CABLES2: variants seen among roughly 807,000 people sequenced by gnomAD.
The protein encoded by CABLES2 is CDK5 and ABL1 enzyme substrate 2.
CABLES2 carries 35 observed loss-of-function variants against 44.8 expected under a neutral mutation model. That is an observed-to-expected ratio of 0.78 (90% confidence interval 0.60 to 1.04). The LOEUF (loss-of-function observed/expected upper bound fraction) is 1.04. CABLES2 is among the 50% of genes least tolerant of loss of function. The pLI, the probability that CABLES2 is intolerant of heterozygous loss-of-function variation, is 0.00. For missense variants in CABLES2, 566 were observed against 615.7 expected, an observed-to-expected ratio of 0.92 and a Z score of 0.85; for synonymous variants, 282 against 281.1, an observed-to-expected ratio of 1.00 and a Z score of -0.03.
At position 62,407,260 on chromosome 20, in the gene CABLES2, G is replaced by A; in HGVS notation, c.17C>T (p.Ala6Val). The change falls in exon 1 of 10, where the codon GCC becomes GTC. Residue 6 changes from alanine (A) to valine (V), a missense_variant. Ala to Val is a moderately conservative substitution (Grantham distance 64). Coordinates refer to ENST00000279101, the MANE Select transcript of CABLES2 (RefSeq NM_031215.3). Reference protein sequence around the residue: MAAAAAGGAPGPAPGP... With the variant: MAAAAVGGAPGPAPGP... The stretch of plus-strand genomic sequence containing the variant: ...GGGGGCCGGGCCCGGGGCTCCACCG[G>A]CCGCGGCCGCGGCCATCCTCAGACT... 3 of 574,812 alleles carry A rather than the reference G, an allele frequency of 5.2e-6. No homozygotes were observed. Among genetic ancestry groups the A allele is most frequent in the Non-Finnish European group, 6.5e-6 (3 of 458,304 alleles). The allele number at this position is 574,812 out of a possible 1,614,324, so 35.6% of individuals were successfully genotyped here.
intron 4 of CABLES2, 38 bp from the exon 5 acceptor site, chr20:62,394,303 C>G (rs1334078631): frequency 1.3e-6 from 2 of 1,559,826 alleles, no homozygotes; most frequent in Admixed American, 3.3e-5. Flanking sequence ...GTGGTCTGCG[C>G]TGAACTCAGG....
intron 1 of CABLES2, among the ~76,000 whole-genome samples, chr20:62,398,124 GTTA>G (rs1384682788): frequency 6.8e-5 from 7 of 102,412 alleles, no homozygotes; most frequent in South Asian, 3.7e-4. Flanking sequence ...GGTGGTGGTG[GTTA>G]TGACGGTGGT....
rs562049183 is a variant in CABLES2, at chr20:62,398,647, C to T, written c.363-2055G>A. On this transcript the variant is annotated intron_variant, in intron 1 of 9. Transcript: ENST00000279101. ...AAGACCTGGTGCACTCAGGCCCCCTCTCTGGTGGAGCCGGCCTGGAGTCCA... is the reference window on the plus strand; with the variant it reads ...AAGACCTGGTGCACTCAGGCCCCCTTTCTGGTGGAGCCGGCCTGGAGTCCA... 1.6e-3 allele frequency among the ~76,000 whole-genome samples: 239 copies of T among 152,356 alleles called. 1 individual carries two copies. The highest frequency in any genetic ancestry group is 5.5e-3 in the African/African-American group (230 of 41,574).
Position 62,396,191 on chromosome 20 carries a change from G to A in CABLES2, c.527+124C>T. On this transcript the variant is annotated intron_variant, in intron 3 of 9. Coordinates refer to ENST00000279101, the MANE Select transcript of CABLES2 (RefSeq NM_031215.3). This position sits in a 1 kb window ranked among gnomAD's most constrained non-coding sequence, Gnocchi z 5.7. ...TGGGGAGGAGGGCCCACCTCTAGAG[G>A]TGTGGAGTGTGGGGTGGGCGGGAGC... 1 of 796,538 alleles carries A rather than the reference G, an allele frequency of 1.3e-6. No homozygotes were observed. Among genetic ancestry groups the A allele is most frequent in the Non-Finnish European group, 2.2e-6 (1 of 461,760 alleles). 49.3% of individuals were successfully genotyped at this position (796,538 alleles called of 1,614,324 possible).
In CABLES2 at chr20:62,388,814, T is replaced by G. The variant is rs1176948608; in HGVS notation, c.*2157A>C. 3 of 349,040 alleles carry G rather than the reference T, an allele frequency of 8.6e-6. No individual in the cohort carries two copies. The highest frequency in any genetic ancestry group is 2.1e-5 in the African/African-American group (1 of 47,282). 21.6% of individuals were successfully genotyped at this position (349,040 alleles called of 1,614,324 possible). ...TATAGTCACAGCCGAGCTGAACACCTTAGCTCCGACACCTGGATGTGTTCT... is the reference window on the plus strand; with the variant it reads ...TATAGTCACAGCCGAGCTGAACACCGTAGCTCCGACACCTGGATGTGTTCT... On this transcript the variant is annotated 3_prime_UTR_variant, in exon 10 of 10. Transcript: ENST00000279101.
At position 62,407,079 on chromosome 20, in the gene CABLES2, C is replaced by T; in HGVS notation, c.198G>A (p.Pro66=). Residue 66 remains proline, a synonymous_variant, in exon 1 of 10, where the codon CCG becomes CCA. Transcript: ENST00000279101. ...SLDGRPPSLG[P]GGEKPPPPPA... ...GCGGCGGCGGGGGCTTCTCTCCGCC[C>T]GGGCCCAGGCTCGGGGGCCGCCCGT... 2 of 1,063,540 alleles carry T rather than the reference C, an allele frequency of 1.9e-6. No individual in the cohort carries two copies. The highest frequency in any genetic ancestry group is 2.3e-6 in the Non-Finnish European group (2 of 880,122). 65.9% of individuals were successfully genotyped at this position (1,063,540 alleles called of 1,614,324 possible).
Position 62,402,065 on chromosome 20 carries a change from C to A in CABLES2, c.362+4850G>T, listed in dbSNP as rs567826328. 2.3e-3 allele frequency among the ~76,000 whole-genome samples: 356 copies of A among 152,306 alleles called. 1 individual carries two copies. Among genetic ancestry groups the A allele is most frequent in the Admixed American group, 4.4e-3 (67 of 15,308 alleles). On this transcript the variant is annotated intron_variant, in intron 1 of 9. Coordinates refer to ENST00000279101, the MANE Select transcript of CABLES2 (RefSeq NM_031215.3). ...GGCGGTGCCTACTCGTGGTTCCCCC[C>A]ACGTGGCAGTGACCAGCTCAAAGCT...
In CABLES2 at chr20:62,396,385, G is replaced by A. The variant is rs182928742; in HGVS notation, c.457C>T (p.Pro153Ser). 6.2e-7 allele frequency: 1 copy of A among 1,614,088 alleles called. No homozygotes were observed. The highest frequency in any genetic ancestry group is 8.5e-7 in the Non-Finnish European group (1 of 1,180,008). ...AQRTKHTSGS[P>S]RHKGLKKTHF... ...GTCTTCTTCAGGCCTTTATGTCTCGGTGATCCAGATGTGTGTTTGGTTCTG... is the reference window on the plus strand; with the variant it reads ...GTCTTCTTCAGGCCTTTATGTCTCGATGATCCAGATGTGTGTTTGGTTCTG... The change falls in exon 3 of 10, where the codon CCG (proline) becomes TCG (serine). Residue 153 changes from proline (P) to serine (S), a missense_variant. Around this residue, in one of 2 missense-constraint regions of CABLES2, gnomAD observed 436 missense variants for 536.3 expected, o/e 0.81. Transcript: ENST00000279101. The surrounding 1 kb of genome is among the most constrained non-coding windows in gnomAD (Gnocchi z 5.7).
intron 5 of CABLES2, 66 bp from the exon 6 acceptor site, chr20:62,393,671 G>A (rs987026453): frequency 6.1e-5 from 90 of 1,483,918 alleles, no homozygotes; most frequent in Admixed American, 2.4e-4. Flanking sequence ...GTGAGCTCCC[G>A]CTGCAGGAAG....
In CABLES2 at chr20:62,399,993, T is replaced by C. The variant is rs150957876; in HGVS notation, c.363-3401A>G. ...CCAAGTACAGTTTGAAGTCAGGAAC[T>C]TAAGATGTGATTAAAATCTTTTAAA... On this transcript the variant is annotated intron_variant, in intron 1 of 9. Transcript: ENST00000279101. Among the ~76,000 whole-genome samples the C allele has an allele frequency of 2.6e-5, 4 of 152,350 alleles. No individual in the cohort carries two copies. In the East Asian group the frequency reaches 7.7e-4, roughly 29 times the overall value.
rs201180245 is a variant in CABLES2 at position 62,392,986 on chromosome 20, G to A, written c.918C>T (p.Asn306=). The A allele has an allele frequency of 8.1e-5, 130 of 1,613,936 alleles. No homozygotes were observed. The highest frequency in any genetic ancestry group is 2.2e-5 in the Non-Finnish European group (26 of 1,180,022). Residue 306 remains asparagine, a synonymous_variant, in exon 7 of 10, where the codon AAC becomes AAT. Coordinates refer to ENST00000279101, the MANE Select transcript of CABLES2 (RefSeq NM_031215.3). Reference sequence around the variant, plus strand: ...AGGGCCACTGCGGGTCATCCAGGAGGTTGGGGTTGTACTCCAGGGTGTCCC... The same window carrying A: ...AGGGCCACTGCGGGTCATCCAGGAGATTGGGGTTGTACTCCAGGGTGTCCC... ...DVGDTLEYNP[N]LLDDPQWPCG...
At chr20:62,392,532 C>T (rs1312239491) in intron 7 of CABLES2, 37 bp from the exon 8 acceptor site, 15 of 1,452,026 alleles carry the variant, frequency 1.0e-5, no homozygotes, top group Admixed American at 1.7e-5. Context: ...GCCGGCCCCT[C>T]GCACAGTCCA....
chr20:62,394,403 G>A (rs950662182), intron 4 of CABLES2, 138 bp from the exon 5 acceptor site: 13 of 658,930 alleles, frequency 2.0e-5, no homozygotes, highest in Admixed American at 1.9e-4. Flanking sequence ...GGCGGCACTG[G>A]TGTGACCAGG....
intron 1 of CABLES2, chr20:62,405,986 G>A (rs1475804482): frequency 1.3e-5 from 2 of 153,538 alleles, no homozygotes; most frequent in Non-Finnish European, 2.9e-5. Context: ...CTGGGCAGGG[G>A]GCACACGCTG....
rs1987901268 is a variant in CABLES2 at position 62,390,823 on chromosome 20, CA to C, written c.*147del. The C allele has an allele frequency of 1.1e-6, 1 of 884,826 alleles. No homozygotes were observed. Among genetic ancestry groups the C allele is most frequent in the Non-Finnish European group, 1.7e-6 (1 of 581,904 alleles). The allele number at this position is 884,826 out of a possible 1,614,324, so 54.8% of individuals were successfully genotyped here. On this transcript the variant is annotated 3_prime_UTR_variant, in exon 10 of 10. Coordinates refer to ENST00000279101, the MANE Select transcript of CABLES2 (RefSeq NM_031215.3). ...TCTTTCCAAGGAAATGGCAAAGAGG[CA>C]AAAAGGAAAGCTGCACCAGCGGAGG...
At position 62,398,130 on chromosome 20, in the gene CABLES2, ACGG is replaced by A. The variant is rs1569017701; in HGVS notation, c.363-1541_363-1539del. Among the ~76,000 whole-genome samples, 204 of 20,256 alleles carry A rather than the reference ACGG, an allele frequency of 0.01. No individual in the cohort carries two copies. The Middle Eastern group carries it at 0.11, about 11-fold the overall frequency. 13.3% of individuals were successfully genotyped at this position (20,256 alleles called of 152,430 possible). On this transcript the variant is annotated intron_variant, in intron 1 of 9. Transcript: ENST00000279101. ...GATGGTGGTGGTGGTGGTGGTTATG[ACGG>A]TGGTGATGGTGGTGGTGGTGGTGAC...
intron 1 of CABLES2, chr20:62,405,528 C>A (rs1027387324): frequency 6.6e-6 from 1 of 152,318 alleles, no homozygotes; most frequent in African/African-American, 2.4e-5. Flanking sequence ...AGGAACACTT[C>A]CAAGGATGGA....
At position 62,391,161 on chromosome 20, in the gene CABLES2, A is replaced by G. The variant is rs776083606; in HGVS notation, c.1297-50T>C. The G allele has an allele frequency of 1.0e-5, 16 of 1,606,592 alleles. No individual in the cohort carries two copies. Among genetic ancestry groups the G allele is most frequent in the Non-Finnish European group, 1.2e-5 (14 of 1,174,144 alleles). On this transcript the variant is annotated intron_variant, in intron 9 of 9. Transcript: ENST00000279101. The surrounding 1 kb of genome is among the most constrained non-coding windows in gnomAD (Gnocchi z 5.7). ...TACACGGGAGCCTTCCCTCTTCCAC[A>G]TTTCCCACCCGGCCAGCCCCATCCC...
In CABLES2 at chr20:62,389,052, G is replaced by C. The variant is rs551532478; in HGVS notation, c.*1919C>G. 1 of 154,128 alleles carries C rather than the reference G, an allele frequency of 6.5e-6. No homozygotes were observed. Among genetic ancestry groups the C allele is most frequent in the Non-Finnish European group, 1.4e-5 (1 of 69,292 alleles). The allele number at this position is 154,128 out of a possible 1,614,324, so 9.5% of individuals were successfully genotyped here. A position where few individuals can be genotyped will look rare whatever the true frequency, so the allele number is the denominator to read the frequency against. The stretch of plus-strand genomic sequence containing the variant: ...TTACTGTGCTTATCAGCCATTTCTC[G>C]CATTCATGTGTAGGAAAAACCATGG... On this transcript the variant is annotated 3_prime_UTR_variant, in exon 10 of 10. Coordinates refer to ENST00000279101, the MANE Select transcript of CABLES2 (RefSeq NM_031215.3).
Sources: allele counts gnomAD v4.1 joint callset (sites outside exome capture counted in the v4.1 genomes callset), GRCh38; gene constraint gnomAD v4.1.1; regional missense constraint gnomAD v4.1.1; non-coding constraint Gnocchi (gnomAD v3.1); transcripts MANE v1.5; gene names NCBI Gene and HGNC (gene_info 2026-07-23, HGNC 2026-07-21).